MYO1C: variants seen among roughly 807,000 people sequenced by gnomAD.
The protein encoded by MYO1C is myosin IC.
MYO1C carries 104 observed loss-of-function variants against 150.8 expected under a neutral mutation model. That is an observed-to-expected ratio of 0.69 (90% confidence interval 0.59 to 0.81). MYO1C has a LOEUF of 0.81. MYO1C is among the 30% of genes least tolerant of loss of function. The probability of loss-of-function intolerance (pLI) is 0.00; values close to 1 mark genes in which losing one functional copy is unlikely to be tolerated. For missense variants in MYO1C, 1,504 were observed against 1,435.0 expected (o/e 1.05, Z -0.78); for synonymous variants, 663 against 579.9 (o/e 1.14, Z -2.06).
In MYO1C at chr17:1,477,918, C is replaced by T. The variant is rs2074433058; in HGVS notation, c.1455G>A (p.Glu485=). The change falls in exon 13 of 32, where the codon GAG becomes GAA. Residue 485 remains glutamate (E), a synonymous_variant. Transcript: ENST00000648651. The part of the protein sequence containing the change: ...NNKIICDLVE[E]KFKGIISILD... ...AAATCGAGATGATGCCCTTAAACTT[C>T]TCCTCCACCAGATCACAGATGATTT... 6.2e-7 allele frequency: 1 copy of T among 1,614,212 alleles called. No homozygotes were observed. The highest frequency in any genetic ancestry group is 2.2e-5 in the East Asian group (1 of 44,870).
At chr17:1,490,030 T>G (rs1471408026) in intron 1 of MYO1C, among the ~76,000 whole-genome samples, 1 of 113,928 alleles carries the variant, frequency 8.8e-6, no homozygotes, top group Non-Finnish European at 1.8e-5. Flanking sequence ...ACAGAGACAC[T>G]GTCTCAAAAA....
rs575513740 is a variant in MYO1C, at chr17:1,484,593, G to C, written c.76-290C>G. The C allele has an allele frequency of 1.4e-5, 8 of 559,908 alleles. No homozygotes were observed. The African/African-American group carries it at 1.5e-4, about 11-fold the overall frequency. The allele number at this position is 559,908 out of a possible 1,614,324, so 34.7% of individuals were successfully genotyped here. A position where few individuals can be genotyped will look rare whatever the true frequency, so the allele number is the denominator to read the frequency against. On this transcript the variant is annotated intron_variant, in intron 1 of 31. Coordinates refer to ENST00000648651, the MANE Select transcript of MYO1C (RefSeq NM_001080779.2). ...ATGAACCACTTGGGACTCGGACACA[G>C]GGCATGGACGCAGGCAGGACCAGAG...
At chr17:1,470,772 A>C in intron 21 of MYO1C, 83 bp from the exon 22 acceptor site, 1 of 1,406,432 alleles carries the variant, frequency 7.1e-7, no homozygotes, top group Non-Finnish European at 9.8e-7. Context: ...CACGAGTGGC[A>C]TGAATGGGAG....
In MYO1C at chr17:1,464,482, GGCGCTTTTCCCACCT is replaced by G. The variant is rs550839340; in HGVS notation, c.*1229_*1243del. 0.011 allele frequency: 1,647 copies of G among 152,934 alleles called. 24 individuals carry two copies. Among genetic ancestry groups the G allele is most frequent in the Non-Finnish European group, 0.014 (935 of 68,154 alleles). The allele number at this position is 152,934 out of a possible 1,614,324, so 9.5% of individuals were successfully genotyped here. On this transcript the variant is annotated 3_prime_UTR_variant, in exon 32 of 32. Coordinates refer to ENST00000648651, the MANE Select transcript of MYO1C (RefSeq NM_001080779.2). ...ATCCCAAGGCCTGGACTCTGGCAGA[GGCGCTTTTCCCACCT>G]GGTGGCTCCCAGGGCCGATTGCTGG...
chr17:1,467,983 C>T lies in MYO1C; in HGVS notation c.2896+5G>A. ...CTCCCCCTGCAGCCCTGGACCCTGGCTGACCGGTCAGGTTGGCGTAATCAA... is the reference window on the plus strand; with the variant it reads ...CTCCCCCTGCAGCCCTGGACCCTGGTTGACCGGTCAGGTTGGCGTAATCAA... On this transcript the variant is annotated splice_donor_5th_base_variant and intron_variant, in intron 28 of 31. Coordinates refer to ENST00000648651, the MANE Select transcript of MYO1C (RefSeq NM_001080779.2). 1 of 1,613,026 alleles carries T rather than the reference C, an allele frequency of 6.2e-7. No individual in the cohort carries two copies. The highest frequency in any genetic ancestry group is 8.5e-7 in the Non-Finnish European group (1 of 1,179,866).
In MYO1C at chr17:1,480,754, G is replaced by C. The variant is rs45614232; in HGVS notation, c.759C>G (p.Arg253=). Residue 253 remains arginine (R), a synonymous_variant, in exon 6 of 32, where the codon CGC becomes CGG. Transcript: ENST00000648651. Reference sequence around the variant, plus strand: ...GGGGGTTCCGTTCCAAGCCCAGCCTGCGAAGAGTCTCCTCCTCGCCCCCCT... The same window carrying C: ...GGGGGTTCCGTTCCAAGCCCAGCCTCCGAAGAGTCTCCTCCTCGCCCCCCT... ...LLEGGEEETL[R]RLGLERNPQS... is the part of the protein sequence containing the mutation. The C allele has an allele frequency of 2.4e-4, 392 of 1,614,012 alleles. No individual in the cohort carries two copies. Among genetic ancestry groups the C allele is most frequent in the Non-Finnish European group, 3.0e-4 (359 of 1,180,024 alleles).
At position 1,480,531 on chromosome 17, in the gene MYO1C, A is replaced by G; in HGVS notation, c.902T>C (p.Val301Ala). The part of the protein sequence containing the change: ...LTVIDFTEDE[V>A]EDLLSIVASV... ...GGGTCCCGGAAGAGGCCTCACCTCCACTTCATCCTCGGTGAAATCAATGAC... is the reference window on the plus strand; with the variant it reads ...GGGTCCCGGAAGAGGCCTCACCTCCGCTTCATCCTCGGTGAAATCAATGAC... Residue 301 changes from valine to alanine, a missense_variant, in exon 7 of 32, where the codon GTG becomes GCG. Coordinates refer to ENST00000648651, the MANE Select transcript of MYO1C (RefSeq NM_001080779.2). 1 of 1,612,208 alleles carries G rather than the reference A, an allele frequency of 6.2e-7. No individual in the cohort carries two copies. Among genetic ancestry groups the G allele is most frequent in the Non-Finnish European group, 8.5e-7 (1 of 1,178,372 alleles).
intron 1 of MYO1C, among the ~76,000 whole-genome samples, chr17:1,487,265 CG>C (rs2074673424): frequency 2.0e-5 from 3 of 152,230 alleles, no homozygotes; most frequent in Admixed American, 2.0e-4. Context: ...GCTTCCGATC[CG>C]GTGGGGAGAG....
intron 1 of MYO1C, among the ~76,000 whole-genome samples, chr17:1,489,896 AG>A (rs1242894001): frequency 6.6e-6 from 1 of 151,854 alleles, no homozygotes; most frequent in Non-Finnish European, 1.5e-5. Context: ...AAAAATTAGC[AG>A]GGTGTGGTGG....
rs755034750 is a variant in MYO1C at position 1,471,318 on chromosome 17, T to G, written c.2040A>C (p.Pro680=). Reference sequence around the variant, plus strand: ...GTCCTGCCCACGTGGGCCACGTCTCTGGGCACAGTGACTTGTACCTGGGGA... The same window carrying G: ...GTCCTGCCCACGTGGGCCACGTCTCGGGGCACAGTGACTTGTACCTGGGGA... ...AFLQRYKSLC[P]ETWPTWAGRP... is the part of the protein sequence containing the mutation. The change falls in exon 20 of 32, where the codon CCA becomes CCC. Residue 680 remains proline, a synonymous_variant. Coordinates refer to ENST00000648651, the MANE Select transcript of MYO1C (RefSeq NM_001080779.2). The G allele has an allele frequency of 1.2e-6, 2 of 1,613,880 alleles. No individual in the cohort carries two copies. The highest frequency in any genetic ancestry group is 2.2e-5 in the South Asian group (2 of 91,072).
At chr17:1,475,061 T>C (rs1201477652) in intron 14 of MYO1C, 29 bp from the exon 15 acceptor site, 2 of 1,548,546 alleles carry the variant, frequency 1.3e-6, no homozygotes, top group South Asian at 2.4e-5. Flanking sequence ...AAGCTGCAGA[T>C]GGCTGCCGGC....
At chr17:1,474,916 G>A (rs1208207580) in intron 15 of MYO1C, 22 bp downstream of exon 15, 2 of 1,610,520 alleles carry the variant, frequency 1.2e-6, no homozygotes, top group Admixed American at 1.7e-5. Context: ...CCCCTGTGGG[G>A]ACACAGCCCC....
intron 25 of MYO1C, 53 bp downstream of exon 25, chr17:1,469,478 T>C: frequency 7.3e-7 from 1 of 1,368,492 alleles, no homozygotes; most frequent in East Asian, 2.7e-5. Flanking sequence ...TGAGCAATGC[T>C]TGCGACTCCC....
chr17:1,467,614 C>T (rs773955188), intron 29 of MYO1C, 37 bp from the exon 30 acceptor site: 1 of 1,600,882 alleles, frequency 6.2e-7, no homozygotes, highest in South Asian at 1.1e-5. Flanking sequence ...CAGGCCCTGC[C>T]CAGAACTTGA....
In MYO1C at chr17:1,474,724, C is replaced by T. The variant is rs776241405; in HGVS notation, c.1717-34G>A. The T allele has an allele frequency of 2.5e-6, 4 of 1,613,476 alleles. No individual in the cohort carries two copies. The South Asian group carries it at 4.4e-5, about 18-fold the overall frequency. The stretch of plus-strand genomic sequence containing the variant: ...GCAGAGCCGGGGTCAGGGTGGGGCA[C>T]AGGGACAGGCAGGACAGGCTCCTGG... On this transcript the variant is annotated intron_variant, in intron 16 of 31. Transcript: ENST00000648651.
intron 25 of MYO1C, chr17:1,469,174 C>T (rs1317628289): frequency 2.2e-5 from 8 of 368,520 alleles, no homozygotes; most frequent in Non-Finnish European, 1.1e-5. Flanking sequence ...CAGAGTAGAC[C>T]GGGGTAAATA....
At chr17:1,467,799 C>T (rs1567513287) in intron 29 of MYO1C, 41 bp downstream of exon 29, 2 of 835,536 alleles carry the variant, frequency 2.4e-6, no homozygotes, top group East Asian at 2.8e-5. Flanking sequence ...CCATCTACCT[C>T]CCCCATCCCC....
chr17:1,469,044 C>T (rs1031396645), intron 25 of MYO1C: 2 of 300,626 alleles, frequency 6.7e-6, no homozygotes. Flanking sequence ...CCAGTGTCCA[C>T]TTCCTACACG....
chr17:1,486,523 GT>G (rs34636701), intron 1 of MYO1C, among the ~76,000 whole-genome samples: 3 of 145,270 alleles, frequency 2.1e-5, no homozygotes, highest in South Asian at 2.2e-4. Flanking sequence ...TTTTTTTTCT[GT>G]TTTTTTTTTG....
Sources: allele counts gnomAD v4.1 joint callset (sites outside exome capture counted in the v4.1 genomes callset), GRCh38; gene constraint gnomAD v4.1.1; transcripts MANE v1.5; gene names NCBI Gene and HGNC (gene_info 2026-07-23, HGNC 2026-07-21).